Variants in NRP1 observed in about 807,000 individuals in gnomAD.
The protein encoded by NRP1 is neuropilin 1, also known as neuropilin-1.
Under a neutral mutation model 106.7 loss-of-function variants are expected in NRP1, and 35 were observed. The observed-to-expected ratio is 0.33, with a 90% CI of 0.25 to 0.43. The LOEUF (loss-of-function observed/expected upper bound fraction) is 0.43, where lower values mean the gene tolerates loss of function less well. Ranked by LOEUF, NRP1 falls within the 20% of genes least tolerant of loss-of-function variation. NRP1 has a pLI of 1.00. For missense variants in NRP1, 1,024 were observed against 1,170.4 expected, an observed-to-expected ratio of 0.87 and a Z score of 1.83; for synonymous variants, 437 against 417.9, an observed-to-expected ratio of 1.05 and a Z score of -0.56.
intron 2 of NRP1, among the ~76,000 whole-genome samples, chr10:33,319,325 CA>C (rs1847284715): frequency 6.6e-6 from 1 of 151,840 alleles, no homozygotes. Context: ...ACCTTTTCTA[CA>C]AGAGGTTTGT....
intron 3 of NRP1, among the ~76,000 whole-genome samples, chr10:33,264,928 G>A (rs992191561): frequency 2.0e-5 from 3 of 152,072 alleles, no homozygotes; most frequent in Non-Finnish European, 2.9e-5. Flanking sequence ...GGCCAACATA[G>A]GGAAACCCCA....
intron 6 of NRP1, among the ~76,000 whole-genome samples, chr10:33,238,426 G>A (rs376576630): frequency 2.0e-5 from 3 of 152,218 alleles, no homozygotes; most frequent in East Asian, 1.9e-4. Context: ...CCAGTGTGGA[G>A]AGAACTTCAT....
chr10:33,281,667 T>C (rs1171133403), intron 2 of NRP1, among the ~76,000 whole-genome samples: 1 of 152,194 alleles, frequency 6.6e-6, no homozygotes, highest in Non-Finnish European at 1.5e-5. Context: ...GATAGGTCAC[T>C]AACTGACTTC....
In NRP1 at chr10:33,186,426, C is replaced by T. The variant is rs747937442; in HGVS notation, c.2125G>A (p.Val709Met). ...TTCTGGGAATAAACCACAGGGCTCACCAGGCGAGCCACTTTGCCCTTCTGA... is the reference window on the plus strand; with the variant it reads ...TTCTGGGAATAAACCACAGGGCTCATCAGGCGAGCCACTTTGCCCTTCTGA... ...ENQKGKVARL[V>M]SPVVYSQNSA... is the part of the protein sequence containing the mutation. The change falls in exon 14 of 17, where the codon GTG becomes ATG. Residue 709 changes from valine to methionine, a missense_variant. This residue lies in a region of NRP1 where 562 missense variants were observed against 620.3 expected (regional missense o/e 0.91). Coordinates refer to ENST00000374867, the MANE Select transcript of NRP1 (RefSeq NM_003873.7). The T allele has an allele frequency of 3.1e-6, 5 of 1,613,964 alleles. No individual in the cohort carries two copies. Among genetic ancestry groups the T allele is most frequent in the Non-Finnish European group, 3.4e-6 (4 of 1,179,998 alleles).
intron 2 of NRP1, among the ~76,000 whole-genome samples, chr10:33,275,551 G>C (rs761105193): frequency 9.2e-5 from 14 of 152,016 alleles, no homozygotes; most frequent in Non-Finnish European, 1.8e-4. Flanking sequence ...CTGGGCAACA[G>C]AGCGAGACTT....
chr10:33,221,572 G>T (rs922886522), intron 8 of NRP1, 147 bp downstream of exon 8: 5 of 968,058 alleles, frequency 5.2e-6, no homozygotes, highest in East Asian at 5.2e-5. Flanking sequence ...ACTCGGATTT[G>T]TCTAAATCCA....
At chr10:33,316,878 C>T (rs1264145333) in intron 2 of NRP1, among the ~76,000 whole-genome samples, 1 of 152,218 alleles carries the variant, frequency 6.6e-6, no homozygotes, top group East Asian at 1.9e-4. Context: ...TGAAGTTATG[C>T]TGTCATGCTG....
At chr10:33,321,222 C>A (rs1207599352) in intron 2 of NRP1, among the ~76,000 whole-genome samples, 1 of 152,146 alleles carries the variant, frequency 6.6e-6, no homozygotes, top group East Asian at 1.9e-4. Flanking sequence ...CCTGACCTCA[C>A]TGATCCGCTT....
In NRP1 at chr10:33,180,019, G is replaced by A; in HGVS notation, c.*57C>T. ...ATAGTGAAAGATCAACAGCTCCCCA[G>A]CTCACTCCCGTCCTTCCACTTCCGT... On this transcript the variant is annotated 3_prime_UTR_variant, in exon 17 of 17. Transcript: ENST00000374867. 1 of 1,553,284 alleles carries A rather than the reference G, an allele frequency of 6.4e-7. No homozygotes were observed. The highest frequency in any genetic ancestry group is 8.8e-7 in the Non-Finnish European group (1 of 1,137,222).
chr10:33,272,519 G>A (rs1475175918), intron 2 of NRP1, among the ~76,000 whole-genome samples: 2 of 151,794 alleles, frequency 1.3e-5, no homozygotes, highest in Non-Finnish European at 2.9e-5. Flanking sequence ...GAGGAGGAGG[G>A]GAGGCAAGGA....
intron 4 of NRP1, among the ~76,000 whole-genome samples, chr10:33,258,102 A>G (rs1438601362): frequency 1.3e-5 from 2 of 152,216 alleles, no homozygotes; most frequent in African/African-American, 4.8e-5. Context: ...TGTGGTTGCC[A>G]AAGTGAACCC....
intron 6 of NRP1, among the ~76,000 whole-genome samples, chr10:33,239,115 A>G (rs1222332867): frequency 6.6e-6 from 1 of 151,980 alleles, no homozygotes; most frequent in Non-Finnish European, 1.5e-5. Context: ...ACCTGGTGAG[A>G]CCCTGTCTCT....
intron 2 of NRP1, among the ~76,000 whole-genome samples, chr10:33,322,746 C>T (rs1030791173): frequency 1.3e-5 from 2 of 152,162 alleles, no homozygotes; most frequent in Admixed American, 6.5e-5. Flanking sequence ...TTCACAAGTG[C>T]TTATTTAATC....
intron 9 of NRP1, chr10:33,211,905 C>T (rs965879869): frequency 2.5e-4 from 38 of 152,208 alleles, no homozygotes; most frequent in Admixed American, 1.8e-3. Flanking sequence ...GAAATACCAT[C>T]GCTGAATATA....
At chr10:33,316,331 A>G (rs752785364) in intron 2 of NRP1, among the ~76,000 whole-genome samples, 1 of 152,236 alleles carries the variant, frequency 6.6e-6, no homozygotes, top group African/African-American at 2.4e-5. Context: ...CAGAGTTTCA[A>G]ATTTGGGTAA....
intron 2 of NRP1, among the ~76,000 whole-genome samples, chr10:33,324,977 G>A (rs1847786395): frequency 6.6e-6 from 1 of 152,122 alleles, no homozygotes; most frequent in African/African-American, 2.4e-5. Flanking sequence ...ACCTGATTTT[G>A]AAATGTATAA....
At chr10:33,196,985 C>T (rs1044957756) in intron 12 of NRP1, among the ~76,000 whole-genome samples, 1 of 152,120 alleles carries the variant, frequency 6.6e-6, no homozygotes, top group Admixed American at 6.6e-5. Context: ...CCTTCATGTA[C>T]GTCTGCCGGG....
intron 2 of NRP1, among the ~76,000 whole-genome samples, chr10:33,290,594 G>T (rs1844925513): frequency 6.6e-6 from 1 of 152,128 alleles, no homozygotes; most frequent in Non-Finnish European, 1.5e-5. Flanking sequence ...CCTGTATTCT[G>T]TGCAAGGTTT....
intron 6 of NRP1, among the ~76,000 whole-genome samples, chr10:33,235,304 T>G (rs1030049123): frequency 6.6e-6 from 1 of 152,202 alleles, no homozygotes; most frequent in Admixed American, 6.5e-5. Flanking sequence ...TAGAGACTTT[T>G]CCAGAATCCA....
Sources: allele counts gnomAD v4.1 joint callset (sites outside exome capture counted in the v4.1 genomes callset), GRCh38; gene constraint gnomAD v4.1.1; regional missense constraint gnomAD v4.1.1; transcripts MANE v1.5; gene names NCBI Gene and HGNC (gene_info 2026-07-23, HGNC 2026-07-21).